STK32A: variants seen among roughly 807,000 people sequenced by gnomAD.
STK32A encodes serine/threonine-protein kinase 32A.
Under a neutral mutation model 53.2 loss-of-function variants are expected in STK32A, and 41 were observed. The ratio of observed to expected loss-of-function variants is 0.77; its 90% confidence interval spans 0.60 to 1.00. The LOEUF (loss-of-function observed/expected upper bound fraction) is 1.00, where lower values mean the gene tolerates loss of function less well. Ranked by LOEUF, STK32A falls within the 50% of genes least tolerant of loss-of-function variation. The pLI, the probability that STK32A is intolerant of heterozygous loss-of-function variation, is 0.00. For missense variants in STK32A, 458 were observed against 485.8 expected (o/e 0.94, Z 0.54); for synonymous variants, 166 against 162.8 (o/e 1.02, Z -0.15).
intron 2 of STK32A, 94 bp from the exon 3 acceptor site, chr5:147,278,030 C>A: frequency 2.8e-6 from 3 of 1,084,106 alleles, no homozygotes; most frequent in Non-Finnish European, 4.1e-6. Context: ...ATGTTTTAGA[C>A]AAGATACTTC....
chr5:147,345,792 G>T (rs1424291), intron 6 of STK32A, among the ~76,000 whole-genome samples: 8,726 of 151,988 alleles, frequency 0.057, 850 homozygotes, highest in African/African-American at 0.2. Flanking sequence ...CTATTACCTG[G>T]TGTCTTATTT....
chr5:147,291,386 G>A (rs766817432), intron 4 of STK32A, among the ~76,000 whole-genome samples: 1 of 152,038 alleles, frequency 6.6e-6, no homozygotes, highest in South Asian at 2.1e-4. Context: ...GGATGGCATC[G>A]CAGGGTGCCA....
rs374682895 is a variant in STK32A at position 147,306,425 on chromosome 5, G to A, written c.261-17473G>A. Reference sequence around the variant, plus strand: ...TTGTTCCAGGTGCTGAAATGGAGGAGAAGGAAATTTTCAGAAGATATGTGG... The same window carrying A: ...TTGTTCCAGGTGCTGAAATGGAGGAAAAGGAAATTTTCAGAAGATATGTGG... On this transcript the variant is annotated intron_variant, in intron 4 of 12. Transcript: ENST00000397936. 2.8e-3 allele frequency among the ~76,000 whole-genome samples: 431 copies of A among 152,034 alleles called. 1 individual carries two copies. The highest frequency in any genetic ancestry group is 1.0e-2 in the African/African-American group (413 of 41,492).
intron 5 of STK32A, among the ~76,000 whole-genome samples, chr5:147,337,793 T>G (rs1258125722): frequency 1.3e-5 from 2 of 152,126 alleles, no homozygotes; most frequent in Non-Finnish European, 2.9e-5. Context: ...ATATGAGTTT[T>G]GATGTATAAA....
At chr5:147,265,963 G>T (rs1378963835) in intron 2 of STK32A, among the ~76,000 whole-genome samples, 1 of 152,050 alleles carries the variant, frequency 6.6e-6, no homozygotes, top group Non-Finnish European at 1.5e-5. Context: ...GGCAAATCAC[G>T]CAATATTCCT....
At chr5:147,326,592 A>G (rs766608376) in intron 5 of STK32A, among the ~76,000 whole-genome samples, 7 of 152,188 alleles carry the variant, frequency 4.6e-5, no homozygotes, top group African/African-American at 7.2e-5. Flanking sequence ...TTTTCATTGT[A>G]TAACCAGTAT....
At chr5:147,281,643 C>G (rs891136178) in intron 4 of STK32A, among the ~76,000 whole-genome samples, 1 of 151,548 alleles carries the variant, frequency 6.6e-6, no homozygotes, top group Non-Finnish European at 1.5e-5. Flanking sequence ...AATGGGTGTC[C>G]CTGAGGAAGA....
chr5:147,291,952 A>G (rs1752619535), intron 4 of STK32A, among the ~76,000 whole-genome samples: 1 of 152,230 alleles, frequency 6.6e-6, no homozygotes, highest in African/African-American at 2.4e-5. Context: ...GAACTTTTTC[A>G]TAAGGAATCT....
At chr5:147,376,059 G>GAT (rs1757219613) in intron 11 of STK32A, 1 of 152,092 alleles carries the variant, frequency 6.6e-6, no homozygotes, top group Non-Finnish European at 1.5e-5. Flanking sequence ...AAATGATTGA[G>GAT]ATATAATTTC....
At chr5:147,296,029 G>A (rs565265954) in intron 4 of STK32A, among the ~76,000 whole-genome samples, 1 of 152,276 alleles carries the variant, frequency 6.6e-6, no homozygotes, top group South Asian at 2.1e-4. Context: ...TCCTCCAGGT[G>A]CACAGAGGCA....
Position 147,382,195 on chromosome 5 carries a change from C to A in STK32A, c.1033-1246C>A, listed in dbSNP as rs192715758. On this transcript the variant is annotated intron_variant, in intron 11 of 12. Coordinates refer to ENST00000397936, the MANE Select transcript of STK32A (RefSeq NM_001112724.2). ...AAGTTTGATACTGATTCCTTCCTTG[C>A]CTGCTCAATTTTGCCGTTGAAACCC... Among the ~76,000 whole-genome samples the A allele has an allele frequency of 5.5e-4, 84 of 152,266 alleles. No homozygotes were observed. The South Asian group carries it at 7.2e-3, about 13-fold the overall frequency.
At chr5:147,287,327 G>A (rs1187396676) in intron 4 of STK32A, among the ~76,000 whole-genome samples, 50 of 151,992 alleles carry the variant, frequency 3.3e-4, no homozygotes, top group Admixed American at 3.2e-3. Flanking sequence ...GCTAATTCAG[G>A]ATGACTGTTA....
chr5:147,326,278 T>C (rs1214332332), intron 5 of STK32A, among the ~76,000 whole-genome samples: 1 of 152,190 alleles, frequency 6.6e-6, no homozygotes, highest in Non-Finnish European at 1.5e-5. Flanking sequence ...TCCACAGTTA[T>C]TACTTAGTGC....
chr5:147,333,687 A>G (rs1392622487), intron 5 of STK32A, among the ~76,000 whole-genome samples: 3 of 152,208 alleles, frequency 2.0e-5, no homozygotes, highest in Non-Finnish European at 4.4e-5. Context: ...ATATTAATTT[A>G]TTATACCCAT....
At position 147,382,462 on chromosome 5, in the gene STK32A, T is replaced by C. The variant is rs575935092; in HGVS notation, c.1033-979T>C. 2.6e-5 allele frequency among the ~76,000 whole-genome samples: 4 copies of C among 152,258 alleles called. No individual in the cohort carries two copies. The South Asian group carries it at 8.3e-4, about 32-fold the overall frequency. On this transcript the variant is annotated intron_variant, in intron 11 of 12. Transcript: ENST00000397936. ...GATAGGTTTTTTGGTTTATGTTTTTTACTGTGAATGAGCCATACTTCTCTA... is the reference window on the plus strand; with the variant it reads ...GATAGGTTTTTTGGTTTATGTTTTTCACTGTGAATGAGCCATACTTCTCTA...
In STK32A at chr5:147,373,008, T is replaced by A. The variant is rs115043818; in HGVS notation, c.778-161T>A. ...TTGCAGAATCCTACATACTGTTCAT[T>A]CTAATAATGTATGATCTACATTGTT... On this transcript the variant is annotated intron_variant, in intron 9 of 12. Transcript: ENST00000397936. 4.8e-3 allele frequency among the ~76,000 whole-genome samples: 737 copies of A among 152,276 alleles called. 2 individuals are homozygous for A. The highest frequency in any genetic ancestry group is 8.5e-3 in the Non-Finnish European group (577 of 68,026).
At chr5:147,285,197 T>A (rs1752270139) in intron 4 of STK32A, among the ~76,000 whole-genome samples, 1 of 152,028 alleles carries the variant, frequency 6.6e-6, no homozygotes, top group African/African-American at 2.4e-5. Context: ...AAACATAAAG[T>A]GGGAAAAGGA....
intron 11 of STK32A, among the ~76,000 whole-genome samples, chr5:147,381,971 GA>G (rs1322780443): frequency 6.6e-6 from 1 of 152,056 alleles, no homozygotes; most frequent in African/African-American, 2.4e-5. Context: ...ATGAGCTAAA[GA>G]AAAATCACCC....
At chr5:147,243,201 C>T (rs1374791715) in intron 2 of STK32A, among the ~76,000 whole-genome samples, 1 of 91,576 alleles carries the variant, frequency 1.1e-5, no homozygotes, top group Non-Finnish European at 2.4e-5. Context: ...ATGAGAAAAA[C>T]ATTTAACCAA....
Sources: gnomAD v4.1 joint callset for allele counts (sites outside exome capture counted in the v4.1 genomes callset) on GRCh38, gnomAD v4.1.1 for gene constraint, MANE v1.5 for transcripts, NCBI Gene and HGNC (gene_info 2026-07-23, HGNC 2026-07-21) for gene names.